The following AP5Z1 variants were observed in gnomAD, a reference collection of about 807,000 sequenced individuals.
AP5Z1 encodes AP-5 complex subunit zeta-1.
AP5Z1 carries 106 observed loss-of-function variants against 83.0 expected under a neutral mutation model. That is an observed-to-expected ratio of 1.28 (90% CI 1.09 to 1.50). AP5Z1 has a LOEUF of 1.50. AP5Z1 is among the 40% of genes most tolerant of loss of function. The probability of loss-of-function intolerance (pLI) is 0.00; values close to 1 mark genes in which losing one functional copy is unlikely to be tolerated. For missense variants in AP5Z1, 1,565 were observed against 1,094.2 expected (o/e 1.43, Z -6.07); for synonymous variants, 751 against 514.1 (o/e 1.46, Z -6.23).
chr7:4,781,777 A>G, intron 3 of AP5Z1, 23 bp downstream of exon 3: 2 of 1,518,646 alleles, frequency 1.3e-6, no homozygotes, highest in South Asian at 1.3e-5. Flanking sequence ...TCACCACCCC[A>G]GTTGGCACCG....
chr7:4,789,984 TCCCCCTCTCCCCTC>T (rs1781700755), intron 14 of AP5Z1, 55 bp downstream of exon 14: 10 of 1,134,472 alleles, frequency 8.8e-6, no homozygotes, highest in African/African-American at 5.2e-5. Flanking sequence ...CCTGGACTCC[TCCCCCTCTCCCCTC>T]CCCCCTCCCC....
chr7:4,788,741 G>T (rs748436452), intron 12 of AP5Z1, 99 bp from the exon 13 acceptor site: 4 of 1,056,898 alleles, frequency 3.8e-6, no homozygotes, highest in South Asian at 1.7e-5. Context: ...GGATGGGAGC[G>T]GGCTCAGCTG....
At chr7:4,789,544 C>T (rs928409562) in intron 13 of AP5Z1, among the ~76,000 whole-genome samples, 6 of 152,212 alleles carry the variant, frequency 3.9e-5, no homozygotes, top group African/African-American at 1.4e-4. Context: ...TTGGGCGCAC[C>T]CTTGGCCAAA....
Position 4,788,248 on chromosome 7 carries a change from CT to C in AP5Z1, c.1553del (p.Phe518SerfsTer50). Reference protein sequence around the residue: ...EAFRDPQFQGLFQYLLRPKAS... With the variant: ...EAFRDPQFQGXFQYLLRPKAS... Reference sequence around the variant, plus strand: ...CTTCCGGGACCCGCAGTTCCAGGGTCTTTTCCAATACCTGCTGCGCCCCAAG... The same window carrying C: ...CTTCCGGGACCCGCAGTTCCAGGGTCTTTCCAATACCTGCTGCGCCCCAAG... On this transcript the variant is annotated frameshift_variant, in exon 12 of 17. Transcript: ENST00000649063. LOFTEE classifies it high-confidence loss of function. The C allele has an allele frequency of 6.3e-7, 1 of 1,587,284 alleles. No homozygotes were observed. Among genetic ancestry groups the C allele is most frequent in the Admixed American group, 1.8e-5 (1 of 56,366 alleles).
At position 4,785,620 on chromosome 7, in the gene AP5Z1, G is replaced by C. The variant is rs1417088760; in HGVS notation, c.1068G>C (p.Arg356=). 6.3e-7 allele frequency: 1 copy of C among 1,579,108 alleles called. No homozygotes were observed. Among genetic ancestry groups the C allele is most frequent in the South Asian group, 1.1e-5 (1 of 87,304 alleles). ...SLSCLKALHG[R]VRGDPASVRV... is the part of the protein sequence containing the mutation. ...CCTGCCTGAAGGCCCTGCACGGGCG[G>C]GTGCGCGGGGACCCGGCCTCTGTGC... The change falls in exon 9 of 17, where the codon CGG becomes CGC. Residue 356 remains arginine, a synonymous_variant. Transcript: ENST00000649063.
Position 4,775,767 on chromosome 7 carries a change from G to T in AP5Z1, c.41+11G>T. On this transcript the variant is annotated intron_variant, in intron 1 of 16. Coordinates refer to ENST00000649063, the MANE Select transcript of AP5Z1 (RefSeq NM_014855.3). Reference sequence around the variant, plus strand: ...GCTCCACCAGGCCAGGTACGGGGGAGCTGCGGCCCCGGCCCTCCTTCCTGC... The same window carrying T: ...GCTCCACCAGGCCAGGTACGGGGGATCTGCGGCCCCGGCCCTCCTTCCTGC... The T allele has an allele frequency of 6.2e-7, 1 of 1,603,008 alleles. No individual in the cohort carries two copies.
At chr7:4,784,171 C>G in intron 5 of AP5Z1, 32 bp from the exon 6 acceptor site, 1 of 1,557,806 alleles carries the variant, frequency 6.4e-7, no homozygotes, top group Non-Finnish European at 8.7e-7. Flanking sequence ...GCCTCGGCCC[C>G]CTCCGCCCAC....
rs1781594068 is a variant in AP5Z1 at position 4,787,701 on chromosome 7, C to G, written c.1379C>G (p.Ala460Gly). 1 of 1,551,796 alleles carries G rather than the reference C, an allele frequency of 6.4e-7. No homozygotes were observed. Residue 460 changes from alanine to glycine, a missense_variant, in exon 11 of 17, where the codon GCT becomes GGT. Ala to Gly is a moderately conservative substitution (Grantham distance 60, BLOSUM62 0). Coordinates refer to ENST00000649063, the MANE Select transcript of AP5Z1 (RefSeq NM_014855.3). ...FVALLPALVD[A>G]GTALEMLHAL... ...GCGCTCCTCCCGGCCCTGGTGGACG[C>G]TGGCACAGCCCTGGAGATGCTGCAC...
chr7:4,789,923 T>G lies in AP5Z1; in HGVS notation c.1799T>G (p.Val600Gly). ...LYPAPGYAAG[V>G]HSVLSSQFLA... ...CCGGCCCCAGGGTACGCTGCCGGTG[T>G]GCACAGGTAGGTCCCTCCTGCGCTC... Residue 600 changes from valine to glycine, a missense_variant, in exon 14 of 17, where the codon GTG becomes GGG. By Grantham distance (109) the Val-to-Gly change is moderately radical (BLOSUM62 -3). Coordinates refer to ENST00000649063, the MANE Select transcript of AP5Z1 (RefSeq NM_014855.3). The G allele has an allele frequency of 6.5e-7, 1 of 1,543,238 alleles. No homozygotes were observed.
In AP5Z1 at chr7:4,783,407, T is replaced by A. The variant is rs1436357315; in HGVS notation, c.458T>A (p.Leu153His). The A allele has an allele frequency of 6.8e-6, 11 of 1,612,800 alleles. No homozygotes were observed. The highest frequency in any genetic ancestry group is 3.3e-5 in the South Asian group (3 of 91,062). ...CCTGAGGGACCCAGCCTCAGACACC[T>A]CCTCCCCGTCATGGCCAAGGTCGTG... Reference protein sequence around the residue: ...RQPEGPSLRHLLPVMAKVVVL... With the variant: ...RQPEGPSLRHHLPVMAKVVVL... Residue 153 changes from leucine to histidine, a missense_variant, in exon 4 of 17, where the codon CTC becomes CAC. Leu to His is a moderately conservative substitution (Grantham distance 99, BLOSUM62 -3). Coordinates refer to ENST00000649063, the MANE Select transcript of AP5Z1 (RefSeq NM_014855.3).
chr7:4,792,525 A>T lies in AP5Z1; in HGVS notation c.*1140A>T, dbSNP rs1403710537. 6.6e-6 allele frequency: 1 copy of T among 152,294 alleles called. No individual in the cohort carries two copies. Among genetic ancestry groups the T allele is most frequent in the African/African-American group, 2.4e-5 (1 of 41,450 alleles). The allele number at this position is 152,294 out of a possible 1,614,324, so 9.4% of individuals were successfully genotyped here. On this transcript the variant is annotated 3_prime_UTR_variant, in exon 17 of 17. Coordinates refer to ENST00000649063, the MANE Select transcript of AP5Z1 (RefSeq NM_014855.3). ...GGAGCAGGGGACACCGTGCGGGCTC[A>T]GGAGCTCCCCAGATGCCCGAGCCGA...
intron 13 of AP5Z1, among the ~76,000 whole-genome samples, chr7:4,789,383 A>G (rs1358042448): frequency 6.6e-6 from 1 of 151,758 alleles, no homozygotes; most frequent in Non-Finnish European, 1.5e-5. Context: ...TGCCCCTGAT[A>G]ATTCAGCATC....
Position 4,791,442 on chromosome 7 carries a change from A to C in AP5Z1, c.*57A>C. ...TAAGAGCCTGGGCAGCCAGCTTGCT[A>C]CTGAGGCCAGGCTGATAGGAGCTCA... On this transcript the variant is annotated 3_prime_UTR_variant, in exon 17 of 17. Transcript: ENST00000649063. 6.5e-7 allele frequency: 1 copy of C among 1,529,044 alleles called. No homozygotes were observed. The highest frequency in any genetic ancestry group is 8.8e-7 in the Non-Finnish European group (1 of 1,134,242). 94.7% of individuals were successfully genotyped at this position (1,529,044 alleles called of 1,614,324 possible). A position where few individuals can be genotyped will look rare whatever the true frequency, so the allele number is the denominator to read the frequency against.
At chr7:4,785,955 A>ACTT (rs1174319233) in intron 9 of AP5Z1, among the ~76,000 whole-genome samples, 1 of 151,738 alleles carries the variant, frequency 6.6e-6, no homozygotes, top group Non-Finnish European at 1.5e-5. Context: ...TAATTTTTAA[A>ACTT]CTTTTAAATA....
intron 13 of AP5Z1, among the ~76,000 whole-genome samples, chr7:4,789,298 C>T (rs527890701): frequency 7.0e-4 from 107 of 152,288 alleles, no homozygotes; most frequent in African/African-American, 2.2e-3. Context: ...CCCTGTCTTC[C>T]GTCCCCAGGA....
chr7:4,788,266 C>T lies in AP5Z1; in HGVS notation c.1567C>T (p.Arg523Cys), dbSNP rs201067711. The T allele has an allele frequency of 9.9e-5, 157 of 1,591,012 alleles. No individual in the cohort carries two copies. The highest frequency in any genetic ancestry group is 8.3e-4 in the Middle Eastern group (4 of 4,802). ...QFQGLFQYLLRPKASGATERL... is the reference protein window; with the variant it reads ...QFQGLFQYLLCPKASGATERL... Reference sequence around the variant, plus strand: ...CCAGGGTCTTTTCCAATACCTGCTGCGCCCCAAGGCCAGTGGCGCCACTGA... The same window carrying T: ...CCAGGGTCTTTTCCAATACCTGCTGTGCCCCAAGGCCAGTGGCGCCACTGA... The change falls in exon 12 of 17, where the codon CGC (arginine) becomes TGC (cysteine). Residue 523 changes from arginine (R) to cysteine (C), a missense_variant. Coordinates refer to ENST00000649063, the MANE Select transcript of AP5Z1 (RefSeq NM_014855.3).
At position 4,785,453 on chromosome 7, in the gene AP5Z1, G is replaced by GT. The variant is rs1306706234; in HGVS notation, c.969+2dup. 4.3e-6 allele frequency: 7 copies of GT among 1,613,342 alleles called. No individual in the cohort carries two copies. The highest frequency in any genetic ancestry group is 5.9e-6 in the Non-Finnish European group (7 of 1,179,718). ...GGGGGACTCCGACCTGCAGAAAGCT[G>GT]TAAGTGGCTGGGGACCAGGGGATGG... On this transcript the variant is annotated splice_donor_variant, in intron 8 of 16. Transcript: ENST00000649063. LOFTEE classifies it high-confidence loss of function.
chr7:4,785,045 C>T lies in AP5Z1; in HGVS notation c.928C>T (p.Arg310Ter), dbSNP rs748724870. 1.4e-4 allele frequency: 220 copies of T among 1,596,180 alleles called. 1 individual carries two copies. Among genetic ancestry groups the T allele is most frequent in the Non-Finnish European group, 1.6e-4 (192 of 1,168,444 alleles). ...CCAGCGCCTCATTGAGCAAAGTAAC[C>T]GACGTGAGTCCCCCACCCAGGGCAC... is the stretch of plus-strand genomic sequence containing the variant. ...YCQRLIEQSN[R>*]RALRKGDSDL... The change falls in exon 7 of 17, where the codon CGA (arginine) becomes TGA (stop). Residue 310 changes from arginine (R) to a stop codon, truncating the protein, a stop_gained. Coordinates refer to ENST00000649063, the MANE Select transcript of AP5Z1 (RefSeq NM_014855.3). LOFTEE classifies it high-confidence loss of function.
rs373532869 is a variant in AP5Z1 at position 4,789,928 on chromosome 7, A to C, written c.1804A>C (p.Ser602Arg). 16 of 1,536,788 alleles carry C rather than the reference A, an allele frequency of 1.0e-5. No homozygotes were observed. The highest frequency in any genetic ancestry group is 1.4e-5 in the Non-Finnish European group (16 of 1,138,300). ...PAPGYAAGVH[S>R]VLSSQFLALC... ...CCCAGGGTACGCTGCCGGTGTGCAC[A>C]GGTAGGTCCCTCCTGCGCTCCTGCC... Residue 602 changes from serine to arginine, a missense_variant and splice_region_variant, in exon 14 of 17, where the codon AGT becomes CGT. By Grantham distance (110) the Ser-to-Arg change is moderately radical (BLOSUM62 -1). Transcript: ENST00000649063.
Sources: allele counts gnomAD v4.1 joint callset (sites outside exome capture counted in the v4.1 genomes callset), GRCh38; gene constraint gnomAD v4.1.1; transcripts MANE v1.5; gene names NCBI Gene and HGNC (gene_info 2026-07-23, HGNC 2026-07-21).